Variants in TTC13 observed in about 807,000 individuals in gnomAD.
The protein encoded by TTC13 is tetratricopeptide repeat protein 13.
Under a neutral mutation model 120.0 loss-of-function variants are expected in TTC13, and 62 were observed. The ratio of observed to expected loss-of-function variants is 0.52; its 90% CI spans 0.42 to 0.64. TTC13 has a LOEUF of 0.64. TTC13 is among the 30% of genes least tolerant of loss of function. The probability of loss-of-function intolerance (pLI) is 0.00; values close to 1 mark genes in which losing one functional copy is unlikely to be tolerated. For synonymous variants in TTC13, 384 were observed against 393.5 expected (o/e 0.98, Z 0.28); for missense variants, 824 against 1,050.2 (o/e 0.78, Z 2.98).
intron 8 of TTC13, among the ~76,000 whole-genome samples, chr1:230,937,059 C>G (rs1238171763): frequency 1.3e-5 from 2 of 152,306 alleles, no homozygotes; most frequent in South Asian, 2.1e-4. Flanking sequence ...GTGAAAAGGA[C>G]AGAGTACCAA....
intron 12 of TTC13, 96 bp from the exon 13 acceptor site, chr1:230,925,743 C>G: frequency 7.2e-7 from 1 of 1,394,678 alleles, no homozygotes; most frequent in South Asian, 1.2e-5. Flanking sequence ...CACGGGAAAA[C>G]TAATGAAGCA....
At chr1:230,949,184 A>G (rs1675296324) in intron 4 of TTC13, among the ~76,000 whole-genome samples, 1 of 151,732 alleles carries the variant, frequency 6.6e-6, no homozygotes, top group African/African-American at 2.4e-5. Context: ...AGATTTGCCT[A>G]TCAGATCAAA....
At chr1:230,929,856 C>T (rs28610398) in intron 11 of TTC13, among the ~76,000 whole-genome samples, 8,122 of 145,250 alleles carry the variant, frequency 0.056, 400 homozygotes, top group African/African-American at 0.14. Context: ...CTATAATTCA[C>T]AAGCGCAAGC....
chr1:230,912,367 CTT>C (rs1434406444), intron 19 of TTC13, among the ~76,000 whole-genome samples: 4 of 152,124 alleles, frequency 2.6e-5, no homozygotes, highest in Admixed American at 1.3e-4. Context: ...TATGGACCAG[CTT>C]TTTTATATCT....
rs762693678 is a variant in TTC13 at position 230,954,377 on chromosome 1, C to T, written c.469G>A (p.Gly157Ser). Residue 157 changes from glycine (G) to serine (S), a missense_variant, in exon 4 of 23, where the codon GGT (glycine) becomes AGT (serine). This residue lies in a region of TTC13 where 430 missense variants were observed against 626.8 expected (regional missense o/e 0.69). Transcript: ENST00000366661. ...LAIAYVLIGS[G>S]LYDEAIRHFS... is the part of the protein sequence containing the mutation. ...TGCCGTATTGCTTCATCATACAGACCACTGCCAATCAAGACATAAGCAATA... is the reference window on the plus strand; with the variant it reads ...TGCCGTATTGCTTCATCATACAGACTACTGCCAATCAAGACATAAGCAATA... The T allele has an allele frequency of 6.2e-7, 1 of 1,611,872 alleles. No individual in the cohort carries two copies. The highest frequency in any genetic ancestry group is 8.5e-7 in the Non-Finnish European group (1 of 1,178,942).
chr1:230,967,976 C>T (rs1677293993), intron 1 of TTC13, among the ~76,000 whole-genome samples: 1 of 152,156 alleles, frequency 6.6e-6, no homozygotes, highest in African/African-American at 2.4e-5. Flanking sequence ...CATCTCTGGA[C>T]ATTTCTTCAC....
At chr1:230,933,639 A>G in intron 9 of TTC13, 140 bp downstream of exon 9, 1 of 463,548 alleles carries the variant, frequency 2.2e-6, no homozygotes, top group East Asian at 3.4e-5. Flanking sequence ...AATATCAACA[A>G]GTCTATACAT....
chr1:230,940,598 C>A lies in TTC13; in HGVS notation c.673-42G>T. On this transcript the variant is annotated intron_variant, in intron 6 of 22. Transcript: ENST00000366661. The surrounding 1 kb of genome is among the most constrained non-coding windows in gnomAD (Gnocchi z 4.1). ...TGTAATCAGGAAGAATACCAATGAC[C>A]AACCCTAAAATCCCAATGTTTTTGA... The A allele has an allele frequency of 7.6e-7, 1 of 1,311,842 alleles. No homozygotes were observed. Among genetic ancestry groups the A allele is most frequent in the South Asian group, 1.2e-5 (1 of 84,198 alleles). The allele number at this position is 1,311,842 out of a possible 1,614,324, so 81.3% of individuals were successfully genotyped here.
chr1:230,948,677 T>C (rs1675245814), intron 4 of TTC13, among the ~76,000 whole-genome samples: 1 of 152,002 alleles, frequency 6.6e-6, no homozygotes, highest in Non-Finnish European at 1.5e-5. Context: ...TTTGTTGAGA[T>C]GGGGGTCTCA....
intron 15 of TTC13, among the ~76,000 whole-genome samples, chr1:230,923,056 C>A (rs1185068061): frequency 6.6e-6 from 1 of 152,008 alleles, no homozygotes; most frequent in African/African-American, 2.4e-5. Context: ...TCCATTAAAA[C>A]CCAAACTTAA....
intron 8 of TTC13, among the ~76,000 whole-genome samples, chr1:230,938,721 T>C (rs759174170): frequency 6.6e-6 from 1 of 152,184 alleles, no homozygotes; most frequent in Admixed American, 6.5e-5. Context: ...GCCACCACAC[T>C]GTCAGAATCT....
chr1:230,916,783 C>G (rs1373768207), intron 17 of TTC13, among the ~76,000 whole-genome samples: 4 of 152,218 alleles, frequency 2.6e-5, no homozygotes, highest in Non-Finnish European at 5.9e-5. Context: ...CACACCCACA[C>G]CCACACCCAC....
intron 8 of TTC13, among the ~76,000 whole-genome samples, chr1:230,938,593 A>G (rs1674286719): frequency 6.6e-6 from 1 of 152,150 alleles, no homozygotes; most frequent in African/African-American, 2.4e-5. Flanking sequence ...CAGTCAATCA[A>G]AGAAGGGTCT....
chr1:230,952,398 T>A (rs1395987968), intron 4 of TTC13, among the ~76,000 whole-genome samples: 1 of 152,170 alleles, frequency 6.6e-6, no homozygotes, highest in East Asian at 1.9e-4. Flanking sequence ...CTAATAAAAA[T>A]ATGTTACAAA....
chr1:230,936,356 C>G (rs1674057475), intron 8 of TTC13: 1 of 409,154 alleles, frequency 2.4e-6, no homozygotes, highest in Admixed American at 3.0e-5. Flanking sequence ...AGCATATGAA[C>G]TGGCTCTGAA....
At chr1:230,910,705 A>T (rs1212005704) in intron 20 of TTC13, among the ~76,000 whole-genome samples, 1 of 152,260 alleles carries the variant, frequency 6.6e-6, no homozygotes, top group Non-Finnish European at 1.5e-5. Flanking sequence ...TCCCTTATTC[A>T]GTGGACACAA....
At chr1:230,911,648 G>T in intron 19 of TTC13, 99 bp from the exon 20 acceptor site, 1 of 645,420 alleles carries the variant, frequency 1.5e-6, no homozygotes. Context: ...ATCAAGAAGA[G>T]GATTGTTTTC....
chr1:230,925,990 C>T (rs893672493), intron 12 of TTC13, among the ~76,000 whole-genome samples: 34 of 152,114 alleles, frequency 2.2e-4, no homozygotes, highest in African/African-American at 8.0e-4. Flanking sequence ...CAAACCTCTG[C>T]CCTTTGTCCA....
chr1:230,928,903 G>C, intron 12 of TTC13, 34 bp downstream of exon 12: 1 of 1,609,922 alleles, frequency 6.2e-7, no homozygotes, highest in East Asian at 2.2e-5. Flanking sequence ...TTTTGAGAAA[G>C]GAAAAAAAAA....
Sources: gnomAD v4.1 joint callset for allele counts (sites outside exome capture counted in the v4.1 genomes callset) on GRCh38, gnomAD v4.1.1 for gene constraint, gnomAD v4.1.1 regional missense constraint, Gnocchi (gnomAD v3.1) non-coding constraint, MANE v1.5 for transcripts, NCBI Gene and HGNC (gene_info 2026-07-23, HGNC 2026-07-21) for gene names.